WDR70: variants seen among roughly 807,000 people sequenced by gnomAD.
The protein encoded by WDR70 is WD repeat domain 70.
In WDR70, 53 loss-of-function variants were observed where a neutral mutation model predicts 88.6. The ratio of observed to expected loss-of-function variants is 0.60; its 90% CI spans 0.48 to 0.75. The LOEUF (loss-of-function observed/expected upper bound fraction) is 0.75. Among genes scored for constraint, WDR70 ranks in the 30% least tolerant of loss-of-function variants. The pLI, the probability that WDR70 is intolerant of heterozygous loss-of-function variation, is 0.00. For synonymous variants in WDR70, 280 were observed against 270.0 expected (o/e 1.04, Z -0.36); for missense variants, 610 against 823.2 (o/e 0.74, Z 3.17).
Position 37,674,025 on chromosome 5 carries a change from G to A in WDR70, c.1093-23630G>A, listed in dbSNP as rs549844073. ...TCTTTATCCAGTCTATCATTGATGGGCATTTAGGTTGATTCCATGTCTTTG... is the reference window on the plus strand; with the variant it reads ...TCTTTATCCAGTCTATCATTGATGGACATTTAGGTTGATTCCATGTCTTTG... On this transcript the variant is annotated intron_variant, in intron 10 of 17. Transcript: ENST00000265107. Among the ~76,000 whole-genome samples, 21 of 152,108 alleles carry A rather than the reference G, an allele frequency of 1.4e-4. No individual in the cohort carries two copies. In the South Asian group the frequency reaches 4.2e-3, roughly 30 times the overall value.
intron 10 of WDR70, among the ~76,000 whole-genome samples, chr5:37,625,835 T>C (rs762523699): frequency 3.9e-5 from 6 of 152,104 alleles, no homozygotes; most frequent in Non-Finnish European, 8.8e-5. Context: ...AGCCTGCCCA[T>C]ATTTTAATTG....
intron 10 of WDR70, among the ~76,000 whole-genome samples, chr5:37,673,583 A>ACCCCTCC (rs1746094647): frequency 2.6e-5 from 2 of 76,226 alleles, no homozygotes; most frequent in Non-Finnish European, 4.8e-5. Flanking sequence ...GACTTTTCTT[A>ACCCCTCC]CCCCCCCCCC....
chr5:37,381,132 C>A (rs1748412004), intron 2 of WDR70, among the ~76,000 whole-genome samples: 1 of 152,170 alleles, frequency 6.6e-6, no homozygotes, highest in Admixed American at 6.6e-5. Context: ...CCTTAAAGTA[C>A]CTGCATTACT....
At chr5:37,529,723 G>A (rs1741422057) in intron 9 of WDR70, among the ~76,000 whole-genome samples, 2 of 152,022 alleles carry the variant, frequency 1.3e-5, no homozygotes, top group South Asian at 4.1e-4. Context: ...GGAGCTTTTT[G>A]GATGAGTCTT....
chr5:37,605,379 A>G (rs1233173498), intron 10 of WDR70, 141 bp downstream of exon 10: 1 of 815,790 alleles, frequency 1.2e-6, no homozygotes, highest in Admixed American at 3.6e-5. Context: ...GTGTTAGGTG[A>G]TCAAACGTTG....
intron 13 of WDR70, 73 bp downstream of exon 13, chr5:37,703,160 T>G: frequency 6.4e-7 from 1 of 1,559,780 alleles, no homozygotes; most frequent in Non-Finnish European, 8.8e-7. Context: ...TGGTTTTGTT[T>G]GTTAAGTAGA....
chr5:37,514,676 A>G (rs993850956), intron 8 of WDR70, among the ~76,000 whole-genome samples: 8 of 152,020 alleles, frequency 5.3e-5, no homozygotes, highest in Admixed American at 1.3e-4. Flanking sequence ...CGTTAGAACT[A>G]TATTTTTAAG....
chr5:37,463,041 A>G (rs1355819236), intron 7 of WDR70, among the ~76,000 whole-genome samples: 5 of 152,128 alleles, frequency 3.3e-5, no homozygotes, highest in Admixed American at 2.6e-4. Flanking sequence ...TGGGAGGCCA[A>G]GGTGGGCGGA....
chr5:37,562,130 G>C (rs1030690037), intron 9 of WDR70, among the ~76,000 whole-genome samples: 1 of 152,208 alleles, frequency 6.6e-6, no homozygotes, highest in Non-Finnish European at 1.5e-5. Flanking sequence ...GGCCAAGGCA[G>C]GTGGATCACT....
At chr5:37,399,298 AG>A (rs943280502) in intron 5 of WDR70, among the ~76,000 whole-genome samples, 22 of 152,216 alleles carry the variant, frequency 1.4e-4, no homozygotes, top group South Asian at 1.2e-3. Context: ...AAAAAAAATT[AG>A]CCAGGCATGG....
chr5:37,602,843 G>A (rs1743926684), intron 9 of WDR70, among the ~76,000 whole-genome samples: 1 of 152,086 alleles, frequency 6.6e-6, no homozygotes, highest in African/African-American at 2.4e-5. Flanking sequence ...CAGGCGTGGT[G>A]GCATGCGCCT....
chr5:37,559,119 A>G (rs928853164), intron 9 of WDR70, among the ~76,000 whole-genome samples: 4 of 151,878 alleles, frequency 2.6e-5, no homozygotes, highest in Non-Finnish European at 5.9e-5. Context: ...TTTTTAATAG[A>G]GACAGGGTTT....
At position 37,674,740 on chromosome 5, in the gene WDR70, A is replaced by G. The variant is rs529060454; in HGVS notation, c.1093-22915A>G. On this transcript the variant is annotated intron_variant, in intron 10 of 17. Transcript: ENST00000265107. ...CAGCATGATTTATAATCCTTTGGGT[A>G]TATACCCAGTAATGGGATGGCTGGG... Among the ~76,000 whole-genome samples the G allele has an allele frequency of 9.3e-4, 142 of 152,062 alleles. 1 individual carries two copies. Among genetic ancestry groups the G allele is most frequent in the African/African-American group, 3.3e-3 (136 of 41,422 alleles).
intron 8 of WDR70, among the ~76,000 whole-genome samples, chr5:37,509,808 T>TTTTTA (rs759885728): frequency 1.4e-5 from 2 of 143,948 alleles, no homozygotes. Context: ...TTTTTTTTTT[T>TTTTTA]AACAGACTTT....
chr5:37,438,376 ATGAACT>A (rs1391758967), intron 6 of WDR70, among the ~76,000 whole-genome samples: 1 of 152,162 alleles, frequency 6.6e-6, no homozygotes. Context: ...GAGATAAGAA[ATGAACT>A]TTAAGTAGTT....
intron 17 of WDR70, among the ~76,000 whole-genome samples, chr5:37,747,807 A>G (rs1236879368): frequency 6.6e-6 from 1 of 152,234 alleles, no homozygotes; most frequent in Non-Finnish European, 1.5e-5. Context: ...ATACAAAATC[A>G]TTGTGCAAAA....
At chr5:37,726,784 C>T in intron 16 of WDR70, 99 bp from the exon 17 acceptor site, 1 of 1,235,826 alleles carries the variant, frequency 8.1e-7, no homozygotes, top group East Asian at 2.8e-5. Context: ...TTTAAGTACT[C>T]TTGAGATTTG....
At chr5:37,543,433 T>C (rs1219483593) in intron 9 of WDR70, among the ~76,000 whole-genome samples, 1 of 152,150 alleles carries the variant, frequency 6.6e-6, no homozygotes, top group Non-Finnish European at 1.5e-5. Context: ...TATTACGAAA[T>C]ATGCACTTTC....
chr5:37,675,715 G>A (rs1418978378), intron 10 of WDR70, among the ~76,000 whole-genome samples: 2 of 152,132 alleles, frequency 1.3e-5, no homozygotes, highest in African/African-American at 2.4e-5. Flanking sequence ...TTGGCGATGC[G>A]AGTTCTGTTT....
Sources: gnomAD v4.1 joint callset for allele counts (sites outside exome capture counted in the v4.1 genomes callset) on GRCh38, gnomAD v4.1.1 for gene constraint, MANE v1.5 for transcripts, NCBI Gene and HGNC (gene_info 2026-07-23, HGNC 2026-07-21) for gene names.